The following STS variants were observed in gnomAD, a reference collection of about 807,000 sequenced individuals.
STS encodes the protein steryl-sulfatase.
Under a neutral mutation model 26.8 loss-of-function variants are expected in STS, and 7 were observed. That is an observed-to-expected ratio of 0.26 (90% CI 0.15 to 0.49). The LOEUF is 0.49. STS is among the 20% of genes least tolerant of loss of function. The pLI is 0.98. For missense variants in STS, 434 were observed against 465.6 expected (o/e 0.93, Z 0.63); for synonymous variants, 199 against 189.4 (o/e 1.05, Z -0.42).
rs1241410147 is a variant in STS at position 7,352,993 on chromosome X, T to G, written c.*2732T>G. Reference sequence around the variant, plus strand: ...TATTTGGCTTGTCACAGGAATCTGATTGCATTAAGTGAAAGGATTATTTAG... The same window carrying G: ...TATTTGGCTTGTCACAGGAATCTGAGTGCATTAAGTGAAAGGATTATTTAG... On this transcript the variant is annotated 3_prime_UTR_variant, in exon 11 of 11. Transcript: ENST00000674429. The G allele has an allele frequency of 1.8e-5, 2 of 111,776 alleles. No homozygotes were observed. Among genetic ancestry groups the G allele is most frequent in the Non-Finnish European group, 3.8e-5 (2 of 53,264 alleles). 9.2% of individuals were successfully genotyped at this position (111,776 alleles called of 1,213,427 possible).
chrX:7,251,516 C>T (rs1158638455), intron 2 of STS, among the ~76,000 whole-genome samples: 2 of 111,103 alleles, frequency 1.8e-5, no homozygotes, highest in Non-Finnish European at 3.8e-5. Context: ...CCAGTTCACA[C>T]GCTGAAGGAC....
chrX:7,309,356 A>G lies in STS; in HGVS notation c.1081+4173A>G, dbSNP rs1601731855. Among the ~76,000 whole-genome samples the G allele has an allele frequency of 2.7e-5, 3 of 110,751 alleles. 1 individual carries two copies. The highest frequency in any genetic ancestry group is 9.7e-5 in the Admixed American group (1 of 10,291). On this transcript the variant is annotated intron_variant, in intron 8 of 10. Transcript: ENST00000674429. ...AGCTAAATGATGAGAACTTATGAAC[A>G]CATAAAAGGAAACAACAGAGACTGG... is the stretch of plus-strand genomic sequence containing the variant.
At chrX:7,332,288 G>A (rs1432593503) in intron 9 of STS, among the ~76,000 whole-genome samples, 3 of 107,300 alleles carry the variant, frequency 2.8e-5, no homozygotes, top group East Asian at 2.9e-4. Flanking sequence ...CTATGGTCGC[G>A]CCACCACACT....
At chrX:7,278,335 G>T (rs996233162) in intron 7 of STS, among the ~76,000 whole-genome samples, 20 of 112,048 alleles carry the variant, frequency 1.8e-4, no homozygotes, top group Non-Finnish European at 3.2e-4. Flanking sequence ...ATAAAAGGGG[G>T]ATATTTGCTT....
At chrX:7,191,176 A>G (rs1415473911) in intron 2 of STS, among the ~76,000 whole-genome samples, 168 bp downstream of exon 2, 2 of 108,106 alleles carry the variant, frequency 1.9e-5, no homozygotes, top group Non-Finnish European at 1.9e-5. Flanking sequence ...TATTGCAGCT[A>G]TCTTTCATTC....
chrX:7,212,623 C>T (rs1181561699), intron 2 of STS, among the ~76,000 whole-genome samples: 1 of 112,164 alleles, frequency 8.9e-6, no homozygotes, highest in Non-Finnish European at 1.9e-5. Flanking sequence ...AAATAGATAG[C>T]TCATCTACAG....
In STS at chrX:7,193,193, T is replaced by A. The variant is rs779497647; in HGVS notation, c.-5+2185T>A. ...ACACTTAGCAGCTTAACAGATTCAT[T>A]TTCCATTGTGATTTCTGTAATTTGT... On this transcript the variant is annotated intron_variant, in intron 2 of 10. Coordinates refer to ENST00000674429, the MANE Select transcript of STS (RefSeq NM_001320752.2). Among the ~76,000 whole-genome samples the A allele has an allele frequency of 4.4e-5, 5 of 112,584 alleles. No individual in the cohort carries two copies. The East Asian group carries it at 1.1e-3, about 25-fold the overall frequency.
chrX:7,161,624 G>C (rs1439666057), intron 1 of STS, among the ~76,000 whole-genome samples: 2 of 112,011 alleles, frequency 1.8e-5, no homozygotes, highest in African/African-American at 6.5e-5. Flanking sequence ...AAGATGTCCA[G>C]TTCATGCTTA....
At chrX:7,219,349 G>A in intron 2 of STS, 3 of 915,539 alleles carry the variant, frequency 3.3e-6, no homozygotes, top group Non-Finnish European at 2.8e-6. Flanking sequence ...CCGAAGGGGA[G>A]AAGTTGCCCC....
At chrX:7,175,707 A>G (rs190805912) in intron 1 of STS, among the ~76,000 whole-genome samples, 4 of 111,980 alleles carry the variant, frequency 3.6e-5, no homozygotes, top group African/African-American at 1.3e-4. Flanking sequence ...CAAACTCAAT[A>G]TGATTAAAAT....
At chrX:7,267,811 A>G (rs1250613217) in intron 6 of STS, among the ~76,000 whole-genome samples, 2 of 111,995 alleles carry the variant, frequency 1.8e-5, no homozygotes, top group Non-Finnish European at 3.8e-5. Flanking sequence ...AATATATTAA[A>G]TATATGTATG....
chrX:7,349,315 C>CTT (rs1928669611), intron 10 of STS, among the ~76,000 whole-genome samples: 8 of 20,285 alleles, frequency 3.9e-4, no homozygotes, highest in Admixed American at 6.5e-4. Context: ...TCATTTAATT[C>CTT]CTTTTTTTTT....
intron 7 of STS, among the ~76,000 whole-genome samples, chrX:7,284,354 C>T (rs1393449869): frequency 9.0e-6 from 1 of 111,618 alleles, no homozygotes; most frequent in Non-Finnish European, 1.9e-5. Context: ...AGCACAGACC[C>T]ATCTGTTAGC....
intron 6 of STS, among the ~76,000 whole-genome samples, chrX:7,260,468 C>T (rs184133683): frequency 5.4e-5 from 6 of 111,234 alleles, no homozygotes; most frequent in Admixed American, 9.5e-5. Flanking sequence ...GCAAGTGGTG[C>T]GATCTTGGCT....
chrX:7,182,488 C>T (rs1298927564), intron 1 of STS, among the ~76,000 whole-genome samples: 1 of 109,895 alleles, frequency 9.1e-6, no homozygotes, highest in East Asian at 2.9e-4. Context: ...GACCTTTCAC[C>T]ACTCTGGTCC....
chrX:7,308,629 T>C (rs1926331059), intron 8 of STS, among the ~76,000 whole-genome samples: 1 of 111,689 alleles, frequency 9.0e-6, no homozygotes, highest in Admixed American at 9.5e-5. Context: ...TTTAAAGAAA[T>C]GTATTTGATG....
intron 2 of STS, among the ~76,000 whole-genome samples, chrX:7,211,177 C>T (rs1921017892): frequency 1.8e-5 from 2 of 111,842 alleles, no homozygotes; most frequent in Admixed American, 1.9e-4. Flanking sequence ...ATTCACTCCA[C>T]TGTATTCATT....
chrX:7,261,175 T>C (rs1923729881), intron 6 of STS, among the ~76,000 whole-genome samples: 1 of 111,955 alleles, frequency 8.9e-6, no homozygotes, highest in Non-Finnish European at 1.9e-5. Context: ...AAATGGAAAG[T>C]TCATCTGAAA....
chrX:7,230,055 T>G (rs1295093798), intron 2 of STS, among the ~76,000 whole-genome samples: 1 of 109,761 alleles, frequency 9.1e-6, no homozygotes, highest in Non-Finnish European at 1.9e-5. Context: ...ATTTATTTAT[T>G]TATTTATTTA....
Sources: allele counts gnomAD v4.1 joint callset (sites outside exome capture counted in the v4.1 genomes callset), GRCh38; gene constraint gnomAD v4.1.1; transcripts MANE v1.5; gene names NCBI Gene and HGNC (gene_info 2026-07-23, HGNC 2026-07-21).